The following APPL2 variants were observed in gnomAD, a reference collection of about 807,000 sequenced individuals.
APPL2 encodes adaptor protein, phosphotyrosine interacting with PH domain and leucine zipper 2.
In APPL2, 84 loss-of-function variants were observed where a neutral mutation model predicts 92.7. The observed-to-expected ratio is 0.91, with a 90% CI of 0.76 to 1.09. The LOEUF (loss-of-function observed/expected upper bound fraction) is 1.09, where lower values mean the gene tolerates loss of function less well. APPL2 is among the 50% of genes least tolerant of loss of function. The pLI is 0.00. For synonymous variants in APPL2, 291 were observed against 291.0 expected (o/e 1.00, Z 0.00); for missense variants, 736 against 824.5 (o/e 0.89, Z 1.31).
intron 5 of APPL2, among the ~76,000 whole-genome samples, chr12:105,209,977 T>G (rs75047461): frequency 6.6e-6 from 1 of 152,164 alleles, no homozygotes; most frequent in African/African-American, 2.4e-5. Context: ...TTTTTTTTTT[T>G]TGAGACGGAG....
intron 1 of APPL2, among the ~76,000 whole-genome samples, chr12:105,230,496 A>C (rs1488476651): frequency 6.6e-6 from 1 of 152,256 alleles, no homozygotes; most frequent in African/African-American, 2.4e-5. Flanking sequence ...AGAATGAAGA[A>C]TAATTTCAGG....
intron 20 of APPL2, among the ~76,000 whole-genome samples, chr12:105,174,900 T>TGGGG (rs1885376276): frequency 7.3e-6 from 1 of 137,120 alleles, no homozygotes; most frequent in African/African-American, 2.6e-5. Context: ...GTGCGGCGGT[T>TGGGG]GGAGACAGAG....
intron 9 of APPL2, among the ~76,000 whole-genome samples, chr12:105,201,098 G>T (rs1888165974): frequency 6.6e-6 from 1 of 152,114 alleles, no homozygotes. Context: ...TAGTAGAGAA[G>T]GGGTTTCACC....
intron 8 of APPL2, among the ~76,000 whole-genome samples, chr12:105,204,915 C>G (rs139347026): frequency 4.6e-5 from 7 of 152,280 alleles, no homozygotes; most frequent in African/African-American, 1.7e-4. Context: ...GGTCACTGTT[C>G]CGTTCTCAAA....
rs182754269 is a variant in APPL2 at position 105,212,106 on chromosome 12, G to A, written c.286-789C>T. 5.1e-3 allele frequency among the ~76,000 whole-genome samples: 561 copies of A among 110,736 alleles called. 5 individuals are homozygous for A. Among genetic ancestry groups the A allele is most frequent in the African/African-American group, 0.018 (533 of 28,864 alleles). The allele number at this position is 110,736 out of a possible 152,430, so 72.6% of individuals were successfully genotyped here. On this transcript the variant is annotated intron_variant, in intron 4 of 20. Coordinates refer to ENST00000258530, the MANE Select transcript of APPL2 (RefSeq NM_018171.5). Reference sequence around the variant, plus strand: ...TGCAGTTCAGCCTGGGTGACAGAGCGAGACTCCATCTCAAAAAAAAAAAAA... The same window carrying A: ...TGCAGTTCAGCCTGGGTGACAGAGCAAGACTCCATCTCAAAAAAAAAAAAA...
rs1385413961 is a variant in APPL2, at chr12:105,186,627, CATATATATCAT to C, written c.1634+1635_1634+1645del. Reference sequence around the variant, plus strand: ...TTAAATATATATATCATATATATATCATATATATCATATATATGATATCGATATCATATATA... The same window carrying C: ...TTAAATATATATATCATATATATATCATATATGATATCGATATCATATATA... On this transcript the variant is annotated intron_variant, in intron 17 of 20. Transcript: ENST00000258530. 1.0e-4 allele frequency among the ~76,000 whole-genome samples: 10 copies of C among 100,260 alleles called. 1 individual carries two copies. Among genetic ancestry groups the C allele is most frequent in the Admixed American group, 2.9e-4 (3 of 10,426 alleles). 65.8% of individuals were successfully genotyped at this position (100,260 alleles called of 152,430 possible).
intron 15 of APPL2, 30 bp from the exon 16 acceptor site, chr12:105,189,854 C>G (rs773676819): frequency 1.2e-6 from 2 of 1,613,662 alleles, no homozygotes; most frequent in Non-Finnish European, 1.7e-6. Context: ...TGAACAAACA[C>G]GACAGCTGCA....
intron 8 of APPL2, among the ~76,000 whole-genome samples, chr12:105,206,083 C>T (rs921415324): frequency 3.3e-5 from 5 of 152,190 alleles, no homozygotes; most frequent in African/African-American, 1.2e-4. Context: ...CCCATTTGCC[C>T]TGAGAGTACT....
chr12:105,217,590 A>C, intron 3 of APPL2, 76 bp downstream of exon 3: 1 of 1,406,500 alleles, frequency 7.1e-7, no homozygotes. Flanking sequence ...TAGGTCTCTA[A>C]GGATGCCTCT....
chr12:105,189,961 C>G (rs977503369), intron 15 of APPL2, 30 bp downstream of exon 15: 11 of 1,611,952 alleles, frequency 6.8e-6, no homozygotes, highest in Admixed American at 1.7e-5. Flanking sequence ...ACTTTCAGTT[C>G]TCCCAGAGAT....
chr12:105,224,766 T>G (rs1398513910), intron 2 of APPL2, among the ~76,000 whole-genome samples: 1 of 152,168 alleles, frequency 6.6e-6, no homozygotes, highest in Non-Finnish European at 1.5e-5. Context: ...TGCTTCTCCC[T>G]CCCCCATGAC....
intron 17 of APPL2, among the ~76,000 whole-genome samples, chr12:105,183,799 G>C (rs1237002472): frequency 6.6e-6 from 1 of 152,100 alleles, no homozygotes; most frequent in Non-Finnish European, 1.5e-5. Flanking sequence ...TTTGAATGTT[G>C]GCTTGTCTTG....
chr12:105,204,240 C>A (rs963477881), intron 8 of APPL2, among the ~76,000 whole-genome samples: 1 of 152,192 alleles, frequency 6.6e-6, no homozygotes, highest in African/African-American at 2.4e-5. Context: ...TGGGAGGTAA[C>A]AGTAACAGTT....
intron 1 of APPL2, among the ~76,000 whole-genome samples, chr12:105,231,047 C>T (rs9634185): frequency 0.18 from 26,693 of 152,160 alleles, 3,601 homozygotes; most frequent in African/African-American, 0.37. Flanking sequence ...TATGCATACA[C>T]ATTGTGGCTT....
At chr12:105,211,136 C>T (rs758974287) in intron 5 of APPL2, 94 bp downstream of exon 5, 56 of 878,360 alleles carry the variant, frequency 6.4e-5, no homozygotes, top group African/African-American at 1.2e-4. Context: ...CATTTCTCAG[C>T]GATCCACACA....
intron 17 of APPL2, among the ~76,000 whole-genome samples, chr12:105,184,671 C>A (rs1372803273): frequency 1.3e-5 from 2 of 152,188 alleles, no homozygotes; most frequent in African/African-American, 2.4e-5. Context: ...CTGGAACTCT[C>A]CTGTATGAGG....
intron 19 of APPL2, 61 bp from the exon 20 acceptor site, chr12:105,176,143 A>G (rs1320813806): frequency 6.8e-7 from 1 of 1,465,924 alleles, no homozygotes; most frequent in African/African-American, 1.4e-5. Flanking sequence ...TTTTAGAACA[A>G]ATGTGATTTG....
intron 9 of APPL2, 45 bp downstream of exon 9, chr12:105,203,658 T>C (rs111274821): frequency 1.3e-6 from 2 of 1,577,656 alleles, no homozygotes; most frequent in Non-Finnish European, 1.7e-6. Context: ...CAGATCAGCA[T>C]GAAAGGCAAG....
At chr12:105,213,855 A>G (rs1229514040) in intron 4 of APPL2, among the ~76,000 whole-genome samples, 2 of 152,158 alleles carry the variant, frequency 1.3e-5, no homozygotes, top group African/African-American at 4.8e-5. Flanking sequence ...CTCCTTGCAG[A>G]GCTAACTCTT....
Sources: gnomAD v4.1 joint callset for allele counts (sites outside exome capture counted in the v4.1 genomes callset) on GRCh38, gnomAD v4.1.1 for gene constraint, MANE v1.5 for transcripts, NCBI Gene and HGNC (gene_info 2026-07-23, HGNC 2026-07-21) for gene names.